Variants in BNC2 observed in about 807,000 individuals in gnomAD.
The protein encoded by BNC2 is zinc finger protein basonuclin-2.
Under a neutral mutation model 76.3 loss-of-function variants are expected in BNC2, and 20 were observed. The observed-to-expected ratio is 0.26, with a 90% CI of 0.18 to 0.38. The LOEUF (loss-of-function observed/expected upper bound fraction) is 0.38, where lower values mean the gene tolerates loss of function less well. BNC2 is among the 10% of genes least tolerant of loss of function. The probability of loss-of-function intolerance (pLI) is 1.00; values close to 1 mark genes in which losing one functional copy is unlikely to be tolerated. For missense variants in BNC2, 1,382 were observed against 1,399.8 expected (o/e 0.99, Z 0.20); for synonymous variants, 582 against 514.8 (o/e 1.13, Z -1.77).
chr9:16,843,953 T>C (rs1818898014), intron 1 of BNC2, among the ~76,000 whole-genome samples: 1 of 152,204 alleles, frequency 6.6e-6, no homozygotes, highest in Non-Finnish European at 1.5e-5. Flanking sequence ...TTCTGGTTTT[T>C]ACTCTTAGGT....
At chr9:16,492,736 T>C (rs1006232404) in intron 5 of BNC2, among the ~76,000 whole-genome samples, 2 of 151,362 alleles carry the variant, frequency 1.3e-5, no homozygotes, top group African/African-American at 2.4e-5. Flanking sequence ...TTTTTTTTTT[T>C]CTGTATAGCT....
At chr9:16,555,884 T>C (rs905055307) in intron 4 of BNC2, among the ~76,000 whole-genome samples, 7 of 152,214 alleles carry the variant, frequency 4.6e-5, no homozygotes, top group African/African-American at 1.7e-4. Context: ...GGCCAGATAT[T>C]AAATATTTTA....
chr9:16,695,334 T>A (rs1444043851), intron 3 of BNC2, among the ~76,000 whole-genome samples: 4 of 152,108 alleles, frequency 2.6e-5, no homozygotes, highest in African/African-American at 9.7e-5. Flanking sequence ...TCTTGCTCTG[T>A]CACCCAGACT....
intron 1 of BNC2, among the ~76,000 whole-genome samples, chr9:16,752,261 T>C (rs1250152073): frequency 2.0e-5 from 3 of 152,196 alleles, no homozygotes; most frequent in African/African-American, 7.2e-5. Flanking sequence ...CAAACTACTA[T>C]GAAAAATTAA....
At chr9:16,815,266 T>C (rs886284949) in intron 1 of BNC2, among the ~76,000 whole-genome samples, 1 of 152,052 alleles carries the variant, frequency 6.6e-6, no homozygotes, top group Non-Finnish European at 1.5e-5. Context: ...AGATCAGATA[T>C]GGTAAGCTGT....
chr9:16,460,300 T>G (rs1821546640), intron 5 of BNC2, among the ~76,000 whole-genome samples: 1 of 146,780 alleles, frequency 6.8e-6, no homozygotes, highest in Non-Finnish European at 1.5e-5. Flanking sequence ...TAAGTGGAGG[T>G]AAAACGGAAC....
At chr9:16,481,992 T>A (rs938818810) in intron 5 of BNC2, among the ~76,000 whole-genome samples, 1 of 152,210 alleles carries the variant, frequency 6.6e-6, no homozygotes, top group South Asian at 2.1e-4. Context: ...CTCCAAAGTA[T>A]GTGTAATAAA....
At chr9:16,797,461 T>G (rs1817686025) in intron 1 of BNC2, among the ~76,000 whole-genome samples, 1 of 152,170 alleles carries the variant, frequency 6.6e-6, no homozygotes, top group Non-Finnish European at 1.5e-5. Flanking sequence ...TGAATCTCAT[T>G]ATGACTTCAC....
chr9:16,777,405 T>C (rs1181550361), intron 1 of BNC2, among the ~76,000 whole-genome samples: 1 of 151,828 alleles, frequency 6.6e-6, no homozygotes, highest in African/African-American at 2.4e-5. Context: ...AATTATTTCA[T>C]AAGAACTGTT....
intron 5 of BNC2, among the ~76,000 whole-genome samples, chr9:16,505,436 G>A (rs1822603833): frequency 1.3e-5 from 2 of 152,170 alleles, no homozygotes; most frequent in Admixed American, 1.3e-4. Flanking sequence ...CTATGAAGGT[G>A]AAAACACATA....
intron 3 of BNC2, among the ~76,000 whole-genome samples, chr9:16,635,097 T>C (rs1008811065): frequency 5.3e-5 from 8 of 152,204 alleles, no homozygotes; most frequent in Non-Finnish European, 1.0e-4. Flanking sequence ...TTTTGCAGTT[T>C]CTCTTGCAGT....
At chr9:16,849,233 C>T (rs939209244) in intron 1 of BNC2, among the ~76,000 whole-genome samples, 13 of 151,680 alleles carry the variant, frequency 8.6e-5, no homozygotes, top group Non-Finnish European at 1.6e-4. Context: ...ATTCCCCCCA[C>T]CAAAAAAATC....
At chr9:16,548,179 C>T (rs1818547593) in intron 5 of BNC2, among the ~76,000 whole-genome samples, 1 of 152,046 alleles carries the variant, frequency 6.6e-6, no homozygotes, top group South Asian at 2.1e-4. Context: ...GGTGGATGAG[C>T]CCAGGCAAGT....
intron 3 of BNC2, among the ~76,000 whole-genome samples, chr9:16,689,560 C>A (rs1362124477): frequency 6.6e-6 from 1 of 151,752 alleles, no homozygotes; most frequent in African/African-American, 2.4e-5. Context: ...CAGATCAGTT[C>A]TGAAGTGTAT....
intron 3 of BNC2, among the ~76,000 whole-genome samples, chr9:16,648,054 C>A (rs1053843645): frequency 6.6e-6 from 1 of 152,008 alleles, no homozygotes; most frequent in African/African-American, 2.4e-5. Context: ...TACAGAGAGT[C>A]ACCAATGTAC....
intron 4 of BNC2, among the ~76,000 whole-genome samples, chr9:16,564,121 T>A (rs1476862979): frequency 1.3e-5 from 2 of 152,164 alleles, no homozygotes; most frequent in Non-Finnish European, 2.9e-5. Context: ...AACAATTTCA[T>A]GTTTCCAGTG....
At chr9:16,793,630 G>C (rs1002519610) in intron 1 of BNC2, among the ~76,000 whole-genome samples, 10 of 142,862 alleles carry the variant, frequency 7.0e-5, no homozygotes, top group Non-Finnish European at 1.4e-4. Flanking sequence ...CACCCAAAGG[G>C]GTACTTGCCT....
chr9:16,845,887 C>G (rs1402776982), intron 1 of BNC2, among the ~76,000 whole-genome samples: 1 of 151,952 alleles, frequency 6.6e-6, no homozygotes, highest in Non-Finnish European at 1.5e-5. Flanking sequence ...CGGTGGCTCA[C>G]GCCTGTAATC....
At position 16,837,402 on chromosome 9, in the gene BNC2, G is replaced by A. The variant is rs1397086086; in HGVS notation, c.3+33244C>T. 4.6e-5 allele frequency among the ~76,000 whole-genome samples: 7 copies of A among 152,284 alleles called. No homozygotes were observed. The East Asian group carries it at 9.7e-4, about 21-fold the overall frequency. On this transcript the variant is annotated intron_variant, in intron 1 of 6. Coordinates refer to ENST00000380672, the MANE Select transcript of BNC2 (RefSeq NM_017637.6). The stretch of plus-strand genomic sequence containing the variant: ...GCCTGTAATCCCAGCTACTCAGGAC[G>A]CTGAGGCAGGAGAATCACTTGAACC...
Sources: allele counts gnomAD v4.1 joint callset (sites outside exome capture counted in the v4.1 genomes callset), GRCh38; gene constraint gnomAD v4.1.1; transcripts MANE v1.5; gene names NCBI Gene and HGNC (gene_info 2026-07-23, HGNC 2026-07-21).